The following WDR27 variants were observed in gnomAD, a reference collection of about 807,000 sequenced individuals.
WDR27 encodes the protein WD repeat domain 27, also known as WD repeat-containing protein 27.
In WDR27, 100 loss-of-function variants were observed where a neutral mutation model predicts 114.4. That is an observed-to-expected ratio of 0.87 (90% CI 0.74 to 1.03). The LOEUF is 1.03. Ranked by LOEUF, WDR27 falls within the 50% of genes least tolerant of loss-of-function variation. The pLI, the probability that WDR27 is intolerant of heterozygous loss-of-function variation, is 0.00. For synonymous variants in WDR27, 449 were observed against 423.1 expected, an observed-to-expected ratio of 1.06 and a Z score of -0.75; for missense variants, 1,129 against 1,092.9, an observed-to-expected ratio of 1.03 and a Z score of -0.47.
chr6:169,503,366 TGAA>T (rs1319195425), intron 25 of WDR27, among the ~76,000 whole-genome samples: 4 of 152,210 alleles, frequency 2.6e-5, no homozygotes, highest in Admixed American at 2.6e-4. Context: ...GGTCCAAAGT[TGAA>T]GACAATTATA....
At chr6:169,644,350 A>G (rs1283657901) in intron 16 of WDR27, among the ~76,000 whole-genome samples, 1 of 151,808 alleles carries the variant, frequency 6.6e-6, no homozygotes, top group African/African-American at 2.4e-5. Flanking sequence ...ACTGTAGAAA[A>G]GCCTAGTTCA....
At chr6:169,585,036 G>A (rs759959820) in intron 23 of WDR27, among the ~76,000 whole-genome samples, 5 of 152,128 alleles carry the variant, frequency 3.3e-5, no homozygotes, top group Admixed American at 6.6e-5. Context: ...TTTCAATAAG[G>A]CCATCAAGAG....
chr6:169,597,336 T>G (rs551945800), intron 23 of WDR27, among the ~76,000 whole-genome samples: 4 of 138,602 alleles, frequency 2.9e-5, no homozygotes, highest in Admixed American at 6.8e-5. Flanking sequence ...TTCTATTATG[T>G]TTTTTTTTCT....
chr6:169,547,313 C>T (rs1435760477), intron 25 of WDR27, among the ~76,000 whole-genome samples: 1 of 152,064 alleles, frequency 6.6e-6, no homozygotes, highest in African/African-American at 2.4e-5. Flanking sequence ...CTTCCAAACT[C>T]ATTCTATGAG....
chr6:169,453,017 G>A (rs1373457770), downstream of WDR27, among the ~76,000 whole-genome samples: 1 of 152,204 alleles, frequency 6.6e-6, no homozygotes, highest in East Asian at 1.9e-4. Flanking sequence ...ACAAGGCTGG[G>A]CACTGGCTTC....
chr6:169,509,128 G>A (rs150332720), intron 25 of WDR27, among the ~76,000 whole-genome samples: 5,523 of 152,252 alleles, frequency 0.036, 270 homozygotes, highest in African/African-American at 0.11. Flanking sequence ...TGAAATAAAA[G>A]AGGATACAAA....
intron 25 of WDR27, among the ~76,000 whole-genome samples, chr6:169,516,820 C>CAG (rs1432441023): frequency 1.3e-5 from 2 of 151,300 alleles, no homozygotes; most frequent in African/African-American, 4.9e-5. Flanking sequence ...CACACACACA[C>CAG]ACACACACAC....
At chr6:169,615,570 C>G (rs1266159114) in intron 21 of WDR27, among the ~76,000 whole-genome samples, 1 of 152,166 alleles carries the variant, frequency 6.6e-6, no homozygotes, top group African/African-American at 2.4e-5. Context: ...GCTGGGATAA[C>G]TGGCTAAATG....
At chr6:169,567,893 T>C (rs1341958545) in intron 25 of WDR27, among the ~76,000 whole-genome samples, 4 of 152,142 alleles carry the variant, frequency 2.6e-5, no homozygotes, top group Non-Finnish European at 4.4e-5. Flanking sequence ...ACTGTGTTCC[T>C]AGAGAGGCTG....
intron 21 of WDR27, 130 bp downstream of exon 21, chr6:169,632,817 A>G (rs1816744787): frequency 1.1e-6 from 1 of 873,124 alleles, no homozygotes; most frequent in Non-Finnish European, 1.6e-6. Context: ...CGAATAATTT[A>G]ATGATCAATA....
At chr6:169,456,868 C>G (rs1224110183), downstream of WDR27, among the ~76,000 whole-genome samples, 1 of 151,210 alleles carries the variant, frequency 6.6e-6, no homozygotes, top group Non-Finnish European at 1.5e-5. This position sits in a 1 kb window ranked among gnomAD's most constrained non-coding sequence, Gnocchi z 4.0. Flanking sequence ...ACAGAACCCA[C>G]AGGCAGAGGT....
chr6:169,652,206 A>G (rs1822774557), intron 13 of WDR27, among the ~76,000 whole-genome samples, 198 bp from the exon 14 acceptor site: 1 of 152,218 alleles, frequency 6.6e-6, no homozygotes, highest in Non-Finnish European at 1.5e-5. Context: ...GATTAAAAGG[A>G]TAAGAAAATA....
At position 169,649,331 on chromosome 6, in the gene WDR27, A is replaced by G. The variant is rs190182892; in HGVS notation, c.1482-56T>C. 5.2e-4 allele frequency: 736 copies of G among 1,419,212 alleles called. 2 individuals carry two copies. The African/African-American group carries it at 6.1e-3, about 12-fold the overall frequency. The allele number at this position is 1,419,212 out of a possible 1,614,324, so 87.9% of individuals were successfully genotyped here. On this transcript the variant is annotated intron_variant, in intron 14 of 25. Transcript: ENST00000448612. ...AAATATTAAGAGGTCTAAGTTTCTT[A>G]AGAGATTTATATTTTACAGTGAAAA...
In WDR27 at chr6:169,651,586, G is replaced by A. The variant is rs367657599; in HGVS notation, c.1481+344C>T. Among the ~76,000 whole-genome samples, 38 of 152,176 alleles carry A rather than the reference G, an allele frequency of 2.5e-4. No individual in the cohort carries two copies. In the East Asian group the frequency reaches 2.9e-3, roughly 12 times the overall value. ...GTGTTCTAAGAAGAGCACCGTGTCC[G>A]GCCTTGATGGGCCACGTTTGTTTAC... On this transcript the variant is annotated intron_variant, in intron 14 of 25. Transcript: ENST00000448612.
At chr6:169,692,957 C>A (rs190711625) in intron 1 of WDR27, among the ~76,000 whole-genome samples, 386 of 152,288 alleles carry the variant, frequency 2.5e-3, no homozygotes, top group African/African-American at 7.7e-3. Context: ...AGCTTATATA[C>A]CCCTTCTAAC....
At chr6:169,429,255 T>A in the WDR27 span, among the ~76,000 whole-genome samples, 2 of 152,074 alleles carry the variant, frequency 1.3e-5, no homozygotes, top group African/African-American at 4.8e-5. Context: ...TCACAAGCAG[T>A]CTAGGCTTTA....
At chr6:169,438,525 C>T in the WDR27 span, among the ~76,000 whole-genome samples, 1 of 152,186 alleles carries the variant, frequency 6.6e-6, no homozygotes, top group Admixed American at 6.5e-5. Context: ...GCGTGAGCCA[C>T]CGCACCCAGC....
intron 15 of WDR27, among the ~76,000 whole-genome samples, chr6:169,648,088 GAC>G (rs1323037788): frequency 6.6e-6 from 1 of 152,028 alleles, no homozygotes. Context: ...TGCCAAAAAA[GAC>G]ACATATTTTA....
At chr6:169,605,629 C>T (rs1808996936) in intron 22 of WDR27, among the ~76,000 whole-genome samples, 1 of 149,440 alleles carries the variant, frequency 6.7e-6, no homozygotes, top group African/African-American at 2.5e-5. Context: ...CATAAGGAAC[C>T]AAAAAAGAGC....
Sources: gnomAD v4.1 joint callset for allele counts (sites outside exome capture counted in the v4.1 genomes callset) on GRCh38, gnomAD v4.1.1 for gene constraint, Gnocchi (gnomAD v3.1) non-coding constraint, MANE v1.5 for transcripts, NCBI Gene and HGNC (gene_info 2026-07-23, HGNC 2026-07-21) for gene names.